Variants in LTBP1 observed in about 807,000 individuals in gnomAD.
LTBP1 encodes latent-transforming growth factor beta-binding protein 1.
Under a neutral mutation model 207.6 loss-of-function variants are expected in LTBP1, and 129 were observed. The ratio of observed to expected loss-of-function variants is 0.62; its 90% CI spans 0.54 to 0.72. LTBP1 has a LOEUF of 0.72. Ranked by LOEUF, LTBP1 falls within the 30% of genes least tolerant of loss-of-function variation. The pLI, the probability that LTBP1 is intolerant of heterozygous loss-of-function variation, is 0.00. For synonymous variants in LTBP1, 963 were observed against 833.7 expected, an observed-to-expected ratio of 1.16 and a Z score of -2.67; for missense variants, 2,281 against 2,217.2, an observed-to-expected ratio of 1.03 and a Z score of -0.58.
At chr2:33,179,455 T>TAA (rs199750491) in intron 5 of LTBP1, among the ~76,000 whole-genome samples, 18 of 149,210 alleles carry the variant, frequency 1.2e-4, no homozygotes, top group Non-Finnish European at 2.2e-4. Context: ...CATATATTCT[T>TAA]AAAAAAAAAA....
At chr2:33,081,160 C>G (rs2078373228) in intron 3 of LTBP1, among the ~76,000 whole-genome samples, 1 of 151,962 alleles carries the variant, frequency 6.6e-6, no homozygotes, top group Non-Finnish European at 1.5e-5. Flanking sequence ...TTCTTGGTGT[C>G]TCAGTGTCTT....
At chr2:33,219,095 T>C (rs529230646) in intron 8 of LTBP1, among the ~76,000 whole-genome samples, 1 of 152,348 alleles carries the variant, frequency 6.6e-6, no homozygotes, top group African/African-American at 2.4e-5. Context: ...ATTTTCTAAA[T>C]GCCTAAAGCA....
At chr2:33,033,814 T>A (rs935156864) in intron 3 of LTBP1, among the ~76,000 whole-genome samples, 4 of 152,178 alleles carry the variant, frequency 2.6e-5, no homozygotes, top group African/African-American at 9.7e-5. Flanking sequence ...TTTATAGTAG[T>A]TCCCAGACAA....
intron 5 of LTBP1, among the ~76,000 whole-genome samples, chr2:33,140,221 C>T (rs1224345083): frequency 6.6e-6 from 1 of 152,102 alleles, no homozygotes; most frequent in Non-Finnish European, 1.5e-5. Flanking sequence ...AGGTTCTCCT[C>T]ACAAGGAGGG....
At chr2:33,093,941 GGGACTTA>G (rs1381858995) in intron 3 of LTBP1, among the ~76,000 whole-genome samples, 1 of 152,082 alleles carries the variant, frequency 6.6e-6, no homozygotes, top group Non-Finnish European at 1.5e-5. Flanking sequence ...TCAACAAAGT[GGGACTTA>G]GAACTCAGCA....
chr2:33,019,584 C>T (rs898459015), intron 2 of LTBP1, among the ~76,000 whole-genome samples: 4 of 152,074 alleles, frequency 2.6e-5, no homozygotes, highest in African/African-American at 7.2e-5. Flanking sequence ...ATCCACCGGG[C>T]TCCGTCTCCC....
chr2:33,173,587 C>T (rs1439778358), intron 5 of LTBP1, among the ~76,000 whole-genome samples: 1 of 150,840 alleles, frequency 6.6e-6, no homozygotes, highest in Non-Finnish European at 1.5e-5. Context: ...CAAGGAGGAA[C>T]TGGTACCATT....
Position 33,273,717 on chromosome 2 carries a change from A to G in LTBP1, c.2679A>G (p.Pro893=). 7 of 1,612,282 alleles carry G rather than the reference A, an allele frequency of 4.3e-6. No homozygotes were observed. The highest frequency in any genetic ancestry group is 5.9e-6 in the Non-Finnish European group (7 of 1,178,738). The change falls in exon 16 of 34, where the codon CCA becomes CCG. Residue 893 remains proline, a synonymous_variant. Transcript: ENST00000404816. ...ICGAGHCINL[P]VRYTCICYEG... ...GAGCAGGACACTGCATTAACCTACC[A>G]GTGAGATATACCTGTATATGCTACG... is the stretch of plus-strand genomic sequence containing the variant.
rs184815109 is a variant in LTBP1 at position 33,052,139 on chromosome 2, T to C, written c.863+30933T>C. Among the ~76,000 whole-genome samples the C allele has an allele frequency of 2.6e-5, 4 of 152,368 alleles. No homozygotes were observed. In the East Asian group the frequency reaches 5.8e-4, roughly 22 times the overall value. On this transcript the variant is annotated intron_variant, in intron 3 of 33. Transcript: ENST00000404816. ...TTTCCTGTCCAGAGTTTTGAGACTT[T>C]AGCCAGGACTAGGGCAGCTTTCTGG...
chr2:33,382,156 G>A (rs1399420715), intron 31 of LTBP1, among the ~76,000 whole-genome samples: 2 of 130,000 alleles, frequency 1.5e-5, no homozygotes, highest in East Asian at 4.7e-4. Flanking sequence ...GTGCAGTGGT[G>A]CGATCTCGGT....
intron 7 of LTBP1, among the ~76,000 whole-genome samples, chr2:33,196,733 A>C: frequency 6.6e-6 from 1 of 152,242 alleles, no homozygotes; most frequent in African/African-American, 2.4e-5. Flanking sequence ...GATTGTGAGA[A>C]GATGAGCAAT....
intron 3 of LTBP1, among the ~76,000 whole-genome samples, chr2:33,036,190 G>T (rs971095073): frequency 3.3e-5 from 5 of 152,108 alleles, no homozygotes; most frequent in African/African-American, 1.2e-4. Flanking sequence ...GATAAAATAC[G>T]GCTTGTTGGG....
At chr2:33,074,974 C>G (rs777772754) in intron 3 of LTBP1, among the ~76,000 whole-genome samples, 5 of 151,732 alleles carry the variant, frequency 3.3e-5, no homozygotes, top group Non-Finnish European at 5.9e-5. Context: ...TCATTTGAAT[C>G]TGGGAGGCGG....
chr2:33,212,705 C>A (rs1161689976), intron 7 of LTBP1, among the ~76,000 whole-genome samples: 1 of 152,140 alleles, frequency 6.6e-6, no homozygotes, highest in Non-Finnish European at 1.5e-5. Context: ...TGATTTGTAG[C>A]CTTTAGTCCT....
At chr2:33,326,466 G>A (rs959514010) in intron 24 of LTBP1, among the ~76,000 whole-genome samples, 4 of 151,356 alleles carry the variant, frequency 2.6e-5, no homozygotes, top group Middle Eastern at 3.4e-3. Flanking sequence ...GATACAGTTC[G>A]AAATGTAAAT....
intron 2 of LTBP1, among the ~76,000 whole-genome samples, chr2:32,990,980 T>G (rs1684315800): frequency 6.6e-6 from 1 of 152,182 alleles, no homozygotes; most frequent in South Asian, 2.1e-4. Flanking sequence ...CTTCCAAGAT[T>G]ATAATAGCTA....
chr2:33,280,172 T>C lies in LTBP1; in HGVS notation c.3112+14T>C. 2 of 1,595,564 alleles carry C rather than the reference T, an allele frequency of 1.3e-6. No homozygotes were observed. The highest frequency in any genetic ancestry group is 1.7e-6 in the Non-Finnish European group (2 of 1,172,528). ...GACAGTGCCTTGGTAGGTACTATAG[T>C]GTACTTATCAAAGATTTGTTTCTTC... On this transcript the variant is annotated intron_variant, in intron 19 of 33. Coordinates refer to ENST00000404816, the MANE Select transcript of LTBP1 (RefSeq NM_206943.4).
At chr2:33,180,727 A>G (rs2086539217) in intron 5 of LTBP1, among the ~76,000 whole-genome samples, 1 of 152,090 alleles carries the variant, frequency 6.6e-6, no homozygotes, top group Non-Finnish European at 1.5e-5. Context: ...AAGTGCTGGG[A>G]TTACAGGTGT....
intron 3 of LTBP1, among the ~76,000 whole-genome samples, chr2:33,065,923 T>G (rs1268063847): frequency 6.6e-6 from 1 of 152,210 alleles, no homozygotes; most frequent in Non-Finnish European, 1.5e-5. Context: ...GTTCTTTTTA[T>G]CGGTCTGACA....
Sources: gnomAD v4.1 joint callset for allele counts (sites outside exome capture counted in the v4.1 genomes callset) on GRCh38, gnomAD v4.1.1 for gene constraint, MANE v1.5 for transcripts, NCBI Gene and HGNC (gene_info 2026-07-23, HGNC 2026-07-21) for gene names.